Variants in PC observed in about 807,000 individuals in gnomAD.
The protein encoded by PC is pyruvate carboxylase, mitochondrial.
A neutral mutation model predicts 107.8 loss-of-function variants in PC; 46 were observed. That is an observed-to-expected ratio of 0.43 (90% CI 0.34 to 0.55). The LOEUF is 0.55. PC is among the 20% of genes least tolerant of loss of function. The pLI, the probability that PC is intolerant of heterozygous loss-of-function variation, is 0.04. For missense variants in PC, 1,241 were observed against 1,643.1 expected, an observed-to-expected ratio of 0.76 and a Z score of 4.23; for synonymous variants, 662 against 684.7, an observed-to-expected ratio of 0.97 and a Z score of 0.52.
intron 3 of PC, among the ~76,000 whole-genome samples, chr11:66,948,719 A>G (rs1949366600): frequency 6.6e-6 from 1 of 152,048 alleles, no homozygotes; most frequent in Non-Finnish European, 1.5e-5. Flanking sequence ...TTGAACCTGT[A>G]GTCCCAGCTA....
At chr11:66,860,026 C>G (rs748278631) in intron 12 of PC, 2 of 1,584,372 alleles carry the variant, frequency 1.3e-6, no homozygotes, top group Non-Finnish European at 1.7e-6. Context: ...CCGCCCCGGC[C>G]GCAGCGCAGC....
At chr11:66,889,528 G>A (rs796779266) in intron 3 of PC, among the ~76,000 whole-genome samples, 50 of 152,016 alleles carry the variant, frequency 3.3e-4, no homozygotes, top group African/African-American at 1.0e-3. Flanking sequence ...CCGCCACCAC[G>A]CCCAGCTAAT....
At chr11:66,907,777 C>T (rs764047063) in intron 3 of PC, 5 of 152,254 alleles carry the variant, frequency 3.3e-5, no homozygotes, top group Admixed American at 2.0e-4. Flanking sequence ...GCACCCCTAC[C>T]CAGGACAAAG....
chr11:66,871,818 C>T lies in PC; in HGVS notation c.190G>A (p.Val64Ile), dbSNP rs35698729. 1.7e-4 allele frequency: 273 copies of T among 1,608,940 alleles called. No individual in the cohort carries two copies. The highest frequency in any genetic ancestry group is 2.2e-4 in the Non-Finnish European group (258 of 1,179,512). ...RACTELGIRTVAIYSEQDTGQ... is the reference protein window; with the variant it reads ...RACTELGIRTIAIYSEQDTGQ... ...GTGTCCTGCTCAGAGTAGATGGCTA[C>T]GGTGCGGATGCCCAGCTCCGTGCAG... Residue 64 changes from valine (V) to isoleucine (I), a missense_variant, in exon 5 of 23, where the codon GTA (valine) becomes ATA (isoleucine). Physicochemically the swap from Val to Ile is conservative, Grantham distance 29. Coordinates refer to ENST00000393960, the MANE Select transcript of PC (RefSeq NM_001040716.2). This position sits in a 1 kb window ranked among gnomAD's most constrained non-coding sequence, Gnocchi z 7.4.
Position 66,852,340 on chromosome 11 carries a change from G to C in PC, c.1825+99C>G. 2 of 1,009,202 alleles carry C rather than the reference G, an allele frequency of 2.0e-6. No individual in the cohort carries two copies. The highest frequency in any genetic ancestry group is 4.8e-5 in the East Asian group (2 of 41,702). 62.5% of individuals were successfully genotyped at this position (1,009,202 alleles called of 1,614,324 possible). A position where few individuals can be genotyped will look rare whatever the true frequency, so the allele number is the denominator to read the frequency against. ...GTCCTTCCTCTTTGGTGTTCTTCGT[G>C]TCAGCGTCTCTAGCTTGTCCCCAGT... is the stretch of plus-strand genomic sequence containing the variant. On this transcript the variant is annotated intron_variant, in intron 15 of 22. Coordinates refer to ENST00000393960, the MANE Select transcript of PC (RefSeq NM_001040716.2). The surrounding 1 kb of genome is among the most constrained non-coding windows in gnomAD (Gnocchi z 4.7).
chr11:66,870,615 C>T lies in PC; in HGVS notation c.751+160G>A, dbSNP rs1395028825. Among the ~76,000 whole-genome samples the T allele has an allele frequency of 2.0e-5, 3 of 152,190 alleles. No individual in the cohort carries two copies. The highest frequency in any genetic ancestry group is 4.4e-5 in the Non-Finnish European group (3 of 68,012). ...GCATCACCAAGGCTGTGAGGACCAA[C>T]TGCCAGCTCGGCCCCTAGAGCCCAC... On this transcript the variant is annotated intron_variant, in intron 8 of 22. Transcript: ENST00000393960. The surrounding 1 kb of genome is among the most constrained non-coding windows in gnomAD (Gnocchi z 6.1).
At chr11:66,909,432 T>G (rs1004688659) in intron 3 of PC, among the ~76,000 whole-genome samples, 1 of 152,124 alleles carries the variant, frequency 6.6e-6, no homozygotes, top group African/African-American at 2.4e-5. Flanking sequence ...TCGGAACAGG[T>G]GTCCCTGCCG....
intron 3 of PC, among the ~76,000 whole-genome samples, chr11:66,895,970 A>T (rs1348414320): frequency 1.3e-5 from 2 of 152,212 alleles, no homozygotes; most frequent in African/African-American, 4.8e-5. Flanking sequence ...AAAAAGACAA[A>T]AGTATCAGAA....
rs1240691303 is a variant in PC, at chr11:66,849,084, C to T, written c.3352G>A (p.Gly1118Arg). Residue 1118 changes from glycine (G) to arginine (R), a missense_variant, in exon 23 of 23, where the codon GGG becomes AGG. By Grantham distance (125) the Gly-to-Arg change is moderately radical. Around this residue, in one of 2 missense-constraint regions of PC, gnomAD observed 98 missense variants for 91.2 expected, o/e 1.07. Transcript: ENST00000393960. ...ACCACTTTGATGTCTATCACCTTCC[C>T]AGGCATGGGCGCCCCGATCTGGCCC... ...VKGQIGAPMP[G>R]KVIDIKVVAG... 1 of 1,614,146 alleles carries T rather than the reference C, an allele frequency of 6.2e-7. No homozygotes were observed. The highest frequency in any genetic ancestry group is 8.5e-7 in the Non-Finnish European group (1 of 1,180,036).
chr11:66,862,247 G>A (rs1431518797), intron 12 of PC, among the ~76,000 whole-genome samples: 1 of 152,206 alleles, frequency 6.6e-6, no homozygotes, highest in Admixed American at 6.5e-5. Flanking sequence ...GGGAGGCTGA[G>A]AGGCTCCCCA....
Position 66,858,678 on chromosome 11 carries a change from A to G in PC, c.1368+5096T>C. ...GGCCCTGGGTGACCCCGCGCCTACC[A>G]TGCACTGGGTCGGTCCTGACGACCG... is the stretch of plus-strand genomic sequence containing the variant. On this transcript the variant is annotated intron_variant, in intron 12 of 22. Coordinates refer to ENST00000393960, the MANE Select transcript of PC (RefSeq NM_001040716.2). This position sits in a 1 kb window ranked among gnomAD's most constrained non-coding sequence, Gnocchi z 5.9. The G allele has an allele frequency of 6.5e-7, 1 of 1,546,660 alleles. No individual in the cohort carries two copies. The highest frequency in any genetic ancestry group is 1.4e-5 in the African/African-American group (1 of 73,330).
intron 3 of PC, among the ~76,000 whole-genome samples, chr11:66,907,357 G>C (rs182276739): frequency 6.6e-6 from 1 of 152,066 alleles, no homozygotes; most frequent in Non-Finnish European, 1.5e-5. Context: ...GTGAAACCCC[G>C]TCTCTACGAA....
At chr11:66,864,096 G>A in intron 11 of PC, 140 bp from the exon 12 acceptor site, 2 of 850,268 alleles carry the variant, frequency 2.4e-6, no homozygotes, top group South Asian at 2.8e-5. Context: ...TCCCAGCTCT[G>A]GCTGGTCAGG....
intron 10 of PC, among the ~76,000 whole-genome samples, chr11:66,868,297 T>C (rs1485942500): frequency 2.6e-5 from 4 of 152,074 alleles, no homozygotes; most frequent in Non-Finnish European, 5.9e-5. Flanking sequence ...AGTTAAGAAA[T>C]ACACACAAGA....
chr11:66,850,585 T>C, intron 18 of PC, 89 bp downstream of exon 18: 2 of 1,602,234 alleles, frequency 1.2e-6, no homozygotes, highest in South Asian at 2.2e-5. Context: ...GAGCAGGGCA[T>C]CTGGATCCTA....
intron 3 of PC, among the ~76,000 whole-genome samples, chr11:66,906,301 C>T (rs1241850689): frequency 2.0e-5 from 3 of 152,178 alleles, no homozygotes; most frequent in Non-Finnish European, 4.4e-5. Flanking sequence ...GAGAACAGGT[C>T]CCTGTCCTCA....
intron 3 of PC, among the ~76,000 whole-genome samples, chr11:66,929,609 C>T (rs1948797614): frequency 6.6e-6 from 1 of 152,166 alleles, no homozygotes; most frequent in Admixed American, 6.5e-5. Context: ...TCAAGTGACC[C>T]ACCCACCTCG....
chr11:66,904,816 G>A (rs1207065532), intron 3 of PC, among the ~76,000 whole-genome samples: 1 of 152,250 alleles, frequency 6.6e-6, no homozygotes, highest in East Asian at 1.9e-4. Flanking sequence ...ACGGCATTAA[G>A]AGTTAAACCT....
chr11:66,883,134 C>T (rs1947243882), intron 3 of PC, among the ~76,000 whole-genome samples: 1 of 152,178 alleles, frequency 6.6e-6, no homozygotes, highest in East Asian at 1.9e-4. Flanking sequence ...TCCTCATCGC[C>T]CTGGCAACCC....
Sources: gnomAD v4.1 joint callset for allele counts (sites outside exome capture counted in the v4.1 genomes callset) on GRCh38, gnomAD v4.1.1 for gene constraint, gnomAD v4.1.1 regional missense constraint, Gnocchi (gnomAD v3.1) non-coding constraint, MANE v1.5 for transcripts, NCBI Gene and HGNC (gene_info 2026-07-23, HGNC 2026-07-21) for gene names.